Variants in RIC8B observed in about 807,000 individuals in gnomAD.
The protein encoded by RIC8B is RIC8 guanine nucleotide exchange factor B, also known as chaperone Ric-8B.
RIC8B carries 16 observed loss-of-function variants against 57.5 expected under a neutral mutation model. The observed-to-expected ratio is 0.28, with a 90% CI of 0.19 to 0.42. The LOEUF is 0.42. Ranked by LOEUF, RIC8B falls within the 10% of genes least tolerant of loss-of-function variation. The pLI is 1.00. For synonymous variants in RIC8B, 216 were observed against 250.8 expected, an observed-to-expected ratio of 0.86 and a Z score of 1.31; for missense variants, 481 against 677.0, an observed-to-expected ratio of 0.71 and a Z score of 3.21.
In RIC8B at chr12:106,874,544, C is replaced by T. The variant is rs568499102; in HGVS notation, c.1571+3602C>T. On this transcript the variant is annotated intron_variant, in intron 9 of 9. Coordinates refer to ENST00000392837, the MANE Select transcript of RIC8B (RefSeq NM_001330145.2). The stretch of plus-strand genomic sequence containing the variant: ...AGCAACAGTGGCCCGTGCCAAAGCA[C>T]TTACCAAAGTGATGATGACTAAGGT... 4 of 1,551,172 alleles carry T rather than the reference C, an allele frequency of 2.6e-6. No individual in the cohort carries two copies. In the Admixed American group the frequency reaches 7.8e-5, roughly 30 times the overall value.
At chr12:106,885,174 A>C (rs758867919) in intron 9 of RIC8B, among the ~76,000 whole-genome samples, 46 of 152,230 alleles carry the variant, frequency 3.0e-4, no homozygotes, top group Non-Finnish European at 4.7e-4. Flanking sequence ...AATCATCTTT[A>C]GATGAGGCTG....
intron 6 of RIC8B, among the ~76,000 whole-genome samples, chr12:106,848,819 G>C (rs1949326813): frequency 6.6e-6 from 1 of 151,992 alleles, no homozygotes; most frequent in Admixed American, 6.6e-5. Context: ...CAGAAACACG[G>C]AGTAGAATAG....
chr12:106,798,471 C>T (rs1435412123), intron 2 of RIC8B, among the ~76,000 whole-genome samples: 2 of 152,194 alleles, frequency 1.3e-5, no homozygotes, highest in Non-Finnish European at 2.9e-5. Flanking sequence ...TTTGCAGGGC[C>T]TATCCTCAGA....
intron 8 of RIC8B, among the ~76,000 whole-genome samples, chr12:106,865,083 A>T (rs1366263788): frequency 6.6e-6 from 1 of 152,152 alleles, no homozygotes; most frequent in Non-Finnish European, 1.5e-5. Flanking sequence ...GTCTACCGAT[A>T]TCTGTCAAGT....
At chr12:106,829,645 C>T (rs953743762) in intron 4 of RIC8B, among the ~76,000 whole-genome samples, 1 of 151,974 alleles carries the variant, frequency 6.6e-6, no homozygotes, top group African/African-American at 2.4e-5. Context: ...TGGTAAAATA[C>T]AGTTATAAAA....
intron 8 of RIC8B, among the ~76,000 whole-genome samples, chr12:106,866,494 A>G (rs772890588): frequency 6.6e-6 from 1 of 152,108 alleles, no homozygotes; most frequent in African/African-American, 2.4e-5. Flanking sequence ...TTTCATTCAC[A>G]TATAACATCT....
intron 2 of RIC8B, among the ~76,000 whole-genome samples, chr12:106,814,183 T>C (rs1249761959): frequency 6.6e-6 from 1 of 152,156 alleles, no homozygotes; most frequent in East Asian, 1.9e-4. Context: ...CTTTTTGCAA[T>C]TGGCTCAAGG....
intron 8 of RIC8B, among the ~76,000 whole-genome samples, chr12:106,869,887 C>T (rs977961856): frequency 2.6e-5 from 4 of 152,056 alleles, no homozygotes; most frequent in Non-Finnish European, 4.4e-5. Flanking sequence ...TGCAGTGAGC[C>T]GAGATTGTGC....
In RIC8B at chr12:106,888,306, T is replaced by C. The variant is rs886858441; in HGVS notation, c.*2291T>C. On this transcript the variant is annotated 3_prime_UTR_variant, in exon 10 of 10. Transcript: ENST00000392837. The stretch of plus-strand genomic sequence containing the variant: ...AAAAGAGAGTTTGCGGGGAAGAAGA[T>C]GAGAGTGTCTTCATCTGGCACACAG... The C allele has an allele frequency of 6.6e-6, 1 of 152,248 alleles. No individual in the cohort carries two copies. Among genetic ancestry groups the C allele is most frequent in the East Asian group, 1.9e-4 (1 of 5,196 alleles). 9.4% of individuals were successfully genotyped at this position (152,248 alleles called of 1,614,324 possible).
intron 2 of RIC8B, among the ~76,000 whole-genome samples, chr12:106,811,404 T>C (rs2045327815): frequency 6.6e-6 from 1 of 152,228 alleles, no homozygotes; most frequent in Admixed American, 6.5e-5. Flanking sequence ...TTCTGGACCC[T>C]CATCCCAGAC....
intron 9 of RIC8B, chr12:106,874,671 A>G (rs911888396): frequency 2.2e-5 from 19 of 881,538 alleles, no homozygotes; most frequent in East Asian, 8.2e-5. Context: ...TTACATTTCT[A>G]TTTTGCCTCC....
intron 9 of RIC8B, among the ~76,000 whole-genome samples, chr12:106,872,349 G>A (rs1950468191): frequency 6.6e-6 from 1 of 152,158 alleles, no homozygotes; most frequent in African/African-American, 2.4e-5. Flanking sequence ...ATGAAACACA[G>A]GGGTATAAAA....
At chr12:106,851,951 T>C (rs954870566) in intron 7 of RIC8B, among the ~76,000 whole-genome samples, 2 of 152,222 alleles carry the variant, frequency 1.3e-5, no homozygotes, top group Non-Finnish European at 2.9e-5. Flanking sequence ...TCTGGGTTAA[T>C]TCCTCTTTTT....
At chr12:106,793,644 A>C (rs1348209966) in intron 2 of RIC8B, among the ~76,000 whole-genome samples, 1 of 152,178 alleles carries the variant, frequency 6.6e-6, no homozygotes, top group Non-Finnish European at 1.5e-5. Flanking sequence ...ACCAGCAATT[A>C]GTGTCACATA....
intron 2 of RIC8B, among the ~76,000 whole-genome samples, chr12:106,787,758 A>G (rs746878136): frequency 3.3e-5 from 5 of 152,116 alleles, no homozygotes; most frequent in Non-Finnish European, 7.4e-5. Flanking sequence ...CATGATTCAA[A>G]TTATCTCCCA....
chr12:106,778,709 A>G (rs571734200), intron 1 of RIC8B, among the ~76,000 whole-genome samples: 3 of 152,242 alleles, frequency 2.0e-5, no homozygotes, highest in Non-Finnish European at 4.4e-5. Flanking sequence ...TTGCAGGGCT[A>G]TGTTGCCTTT....
intron 3 of RIC8B, among the ~76,000 whole-genome samples, chr12:106,825,296 G>C (rs948763226): frequency 6.6e-6 from 1 of 152,182 alleles, no homozygotes; most frequent in African/African-American, 2.4e-5. Flanking sequence ...TTAAAATGAA[G>C]TTCGTGGATT....
intron 2 of RIC8B, among the ~76,000 whole-genome samples, chr12:106,784,903 A>G (rs1345142100): frequency 1.3e-5 from 2 of 151,972 alleles, no homozygotes; most frequent in Admixed American, 6.6e-5. Flanking sequence ...TCTTCCATCC[A>G]TTTTCTCCTT....
At chr12:106,813,805 T>C (rs2045449756) in intron 2 of RIC8B, among the ~76,000 whole-genome samples, 1 of 152,224 alleles carries the variant, frequency 6.6e-6, no homozygotes, top group Non-Finnish European at 1.5e-5. Context: ...AGAGTAGTTA[T>C]ACCTGCTTGC....
Sources: gnomAD v4.1 joint callset for allele counts (sites outside exome capture counted in the v4.1 genomes callset) on GRCh38, gnomAD v4.1.1 for gene constraint, MANE v1.5 for transcripts, NCBI Gene and HGNC (gene_info 2026-07-23, HGNC 2026-07-21) for gene names.